Variants in TRAP1 observed in about 807,000 individuals in gnomAD.
TRAP1 encodes TNF receptor associated protein 1, also known as heat shock protein 75 kDa, mitochondrial.
In TRAP1, 102 loss-of-function variants were observed where a neutral mutation model predicts 89.1. The ratio of observed to expected loss-of-function variants is 1.15; its 90% confidence interval spans 0.98 to 1.35. The LOEUF (loss-of-function observed/expected upper bound fraction) is 1.35, where lower values mean the gene tolerates loss of function less well. Among genes scored for constraint, TRAP1 ranks in the 40% most tolerant of loss-of-function variants. The probability of loss-of-function intolerance (pLI) is 0.00; values close to 1 mark genes in which losing one functional copy is unlikely to be tolerated. For synonymous variants in TRAP1, 508 were observed against 388.0 expected (o/e 1.31, Z -3.64); for missense variants, 1,256 against 945.3 (o/e 1.33, Z -4.31).
chr16:3,679,915 AC>A, intron 4 of TRAP1, 125 bp from the exon 5 acceptor site: 1 of 809,790 alleles, frequency 1.2e-6, no homozygotes, highest in Non-Finnish European at 2.1e-6. Context: ...GCCAGGTAGC[AC>A]CAGATGCTCA....
At chr16:3,688,023 C>G (rs1377534965) in intron 3 of TRAP1, among the ~76,000 whole-genome samples, 1 of 152,132 alleles carries the variant, frequency 6.6e-6, no homozygotes, top group African/African-American at 2.4e-5. Context: ...GGAAACAGCT[C>G]CTAGAAGGCC....
chr16:3,707,844 C>T (rs1241279095), intron 1 of TRAP1, among the ~76,000 whole-genome samples: 3 of 126,484 alleles, frequency 2.4e-5, no homozygotes, highest in African/African-American at 9.5e-5. Flanking sequence ...ACAGACAGAG[C>T]GAGACTCTAA....
rs567633077 is a variant in TRAP1, at chr16:3,703,534, C to A, written c.89-12549G>T. On this transcript the variant is annotated intron_variant, in intron 1 of 17. Coordinates refer to ENST00000246957, the MANE Select transcript of TRAP1 (RefSeq NM_016292.3). Reference sequence around the variant, plus strand: ...TGTGATACATGCATGCATAGCTATTCTCATATGCCACGCAGATCTCTGCAA... The same window carrying A: ...TGTGATACATGCATGCATAGCTATTATCATATGCCACGCAGATCTCTGCAA... Among the ~76,000 whole-genome samples the A allele has an allele frequency of 1.3e-5, 2 of 152,050 alleles. 1 individual carries two copies. The highest frequency in any genetic ancestry group is 4.8e-5 in the African/African-American group (2 of 41,314).
At position 3,658,841 on chromosome 16, in the gene TRAP1, A is replaced by T; in HGVS notation, c.1965T>A (p.Asn655Lys). 1 of 1,614,020 alleles carries T rather than the reference A, an allele frequency of 6.2e-7. No homozygotes were observed. The highest frequency in any genetic ancestry group is 8.5e-7 in the Non-Finnish European group (1 of 1,180,014). The change falls in exon 17 of 18, where the codon AAT becomes AAA. Residue 655 changes from asparagine to lysine, a missense_variant. By Grantham distance (94) the Asn-to-Lys change is moderately conservative. Transcript: ENST00000246957. The stretch of plus-strand genomic sequence containing the variant: ...GGCCAGGCTCGCTTGCGCGCAGCTG[A>T]TTCAGCTTCTTGATGAGCGCGTGCC... ...NPRHALIKKL[N>K]QLRASEPGLA...
At chr16:3,666,898 T>G (rs2050839990) in intron 11 of TRAP1, among the ~76,000 whole-genome samples, 1 of 152,174 alleles carries the variant, frequency 6.6e-6, no homozygotes, top group African/African-American at 2.4e-5. Flanking sequence ...ATATTTTTAT[T>G]TTCTTCTTAA....
chr16:3,685,251 C>T (rs1596726433), intron 4 of TRAP1, among the ~76,000 whole-genome samples: 2 of 152,204 alleles, frequency 1.3e-5, no homozygotes, highest in East Asian at 1.9e-4. Context: ...ACAGCTGGCA[C>T]GTACCACGGG....
At chr16:3,661,138 G>T (rs2043051467) in intron 16 of TRAP1, 1 of 151,958 alleles carries the variant, frequency 6.6e-6, no homozygotes, top group African/African-American at 2.4e-5. Flanking sequence ...TACCCCATAA[G>T]ACACATCAAA....
intron 1 of TRAP1, among the ~76,000 whole-genome samples, chr16:3,710,126 C>T (rs1194686703): frequency 2.6e-5 from 4 of 152,144 alleles, no homozygotes; most frequent in African/African-American, 9.7e-5. Context: ...CATCAGGAAA[C>T]ATAACTCCTT....
At chr16:3,666,695 T>C (rs2050836257) in intron 11 of TRAP1, among the ~76,000 whole-genome samples, 1 of 152,170 alleles carries the variant, frequency 6.6e-6, no homozygotes, top group Non-Finnish European at 1.5e-5. Flanking sequence ...ATGCACATTC[T>C]ACATGTACAT....
chr16:3,717,349 G>A, intron 1 of TRAP1, 72 bp downstream of exon 1: 1 of 598,284 alleles, frequency 1.7e-6, no homozygotes, highest in Non-Finnish European at 2.4e-6. Context: ...CTCGCTCCCC[G>A]GAGCACAGGG....
intron 2 of TRAP1, among the ~76,000 whole-genome samples, chr16:3,690,554 T>G (rs1406003882): frequency 1.3e-5 from 2 of 152,114 alleles, no homozygotes; most frequent in Admixed American, 6.5e-5. Context: ...CTTCCATGAT[T>G]ATTAGCAGAT....
intron 1 of TRAP1, among the ~76,000 whole-genome samples, chr16:3,693,972 G>A (rs2051251874): frequency 6.8e-6 from 1 of 147,110 alleles, no homozygotes; most frequent in South Asian, 2.2e-4. Flanking sequence ...CTGCACTTCA[G>A]GCTGGGTGAG....
At chr16:3,659,776 GATA>G (rs1423987775) in intron 16 of TRAP1, 46 of 149,686 alleles carry the variant, frequency 3.1e-4, no homozygotes, top group Non-Finnish European at 5.8e-4. Flanking sequence ...TAGATAGATA[GATA>G]GACTCTCACT....
At chr16:3,699,471 T>A (rs2051335544) in intron 1 of TRAP1, among the ~76,000 whole-genome samples, 1 of 89,334 alleles carries the variant, frequency 1.1e-5, no homozygotes, top group African/African-American at 7.4e-5. Flanking sequence ...ACCCCATCTC[T>A]ACTAAAAATA....
At position 3,661,933 on chromosome 16, in the gene TRAP1, A is replaced by G. The variant is rs538165154; in HGVS notation, c.1940+54T>C. 1.8e-5 allele frequency: 28 copies of G among 1,532,622 alleles called. No individual in the cohort carries two copies. The South Asian group carries it at 3.2e-4, about 18-fold the overall frequency. The allele number at this position is 1,532,622 out of a possible 1,614,324, so 94.9% of individuals were successfully genotyped here. A position where few individuals can be genotyped will look rare whatever the true frequency, so the allele number is the denominator to read the frequency against. ...ACATTCCACAACAAAAGAACACCAC[A>G]CACAGGATTCTGGGGAATCCCACAG... On this transcript the variant is annotated intron_variant, in intron 16 of 17. Transcript: ENST00000246957.
At chr16:3,695,827 C>A (rs772567912) in intron 1 of TRAP1, among the ~76,000 whole-genome samples, 1 of 152,058 alleles carries the variant, frequency 6.6e-6, no homozygotes, top group African/African-American at 2.4e-5. Flanking sequence ...CAAGATCAAG[C>A]GGAAAAGCTG....
intron 17 of TRAP1, 34 bp from the exon 18 acceptor site, chr16:3,658,264 G>T (rs1378611543): frequency 5.2e-6 from 8 of 1,529,042 alleles, no homozygotes; most frequent in Non-Finnish European, 7.1e-6. Context: ...ATTATGAGGG[G>T]CATGGGGCAC....
chr16:3,666,144 C>A, intron 11 of TRAP1, 26 bp from the exon 12 acceptor site: 1 of 1,602,194 alleles, frequency 6.2e-7, no homozygotes, highest in Non-Finnish European at 8.5e-7. Context: ...GCATTTAATA[C>A]ATACAAGCAG....
intron 8 of TRAP1, 24 bp from the exon 9 acceptor site, chr16:3,674,518 G>C (rs758198432): frequency 1.2e-6 from 2 of 1,611,206 alleles, no homozygotes; most frequent in East Asian, 2.2e-5. Flanking sequence ...TCGGCGGGGA[G>C]GGCGTCGTGT....
Sources: allele counts gnomAD v4.1 joint callset (sites outside exome capture counted in the v4.1 genomes callset), GRCh38; gene constraint gnomAD v4.1.1; transcripts MANE v1.5; gene names NCBI Gene and HGNC (gene_info 2026-07-23, HGNC 2026-07-21).